RBCK1: variants seen among roughly 807,000 people sequenced by gnomAD.
The protein encoded by RBCK1 is RANBP2-type and C3HC4-type zinc finger containing 1, also known as ranBP-type and C3HC4-type zinc finger-containing protein 1.
Under a neutral mutation model 71.1 loss-of-function variants are expected in RBCK1, and 44 were observed. That is an observed-to-expected ratio of 0.62 (90% CI 0.49 to 0.80). The LOEUF (loss-of-function observed/expected upper bound fraction) is 0.80, where lower values mean the gene tolerates loss of function less well. Among genes scored for constraint, RBCK1 ranks in the 30% least tolerant of loss-of-function variants. RBCK1 has a pLI of 0.00. For synonymous variants in RBCK1, 306 were observed against 279.7 expected, an observed-to-expected ratio of 1.09 and a Z score of -0.94; for missense variants, 569 against 685.0, an observed-to-expected ratio of 0.83 and a Z score of 1.89.
chr20:424,055 G>A (rs2016576930), intron 8 of RBCK1, among the ~76,000 whole-genome samples: 3 of 152,348 alleles, frequency 2.0e-5, no homozygotes, highest in Admixed American at 2.0e-4. Context: ...CCATGCTCAA[G>A]CACAGAGTCC....
rs1036504696 is a variant in RBCK1, at chr20:424,090, G to A, written c.1029+1852G>A. ...CATTGGGAAGGGACCACCCAAAAGT[G>A]TGGAATCGGGGAGACAGAAACAAAT... On this transcript the variant is annotated intron_variant, in intron 8 of 11. Coordinates refer to ENST00000356286, the MANE Select transcript of RBCK1 (RefSeq NM_031229.4). Among the ~76,000 whole-genome samples, 82 of 152,260 alleles carry A rather than the reference G, an allele frequency of 5.4e-4. 1 individual carries two copies. The highest frequency in any genetic ancestry group is 5.8e-4 in the East Asian group (3 of 5,202).
At chr20:421,061 G>A in intron 7 of RBCK1, 30 bp downstream of exon 7, 2 of 1,512,448 alleles carry the variant, frequency 1.3e-6, no homozygotes, top group East Asian at 2.5e-5. Flanking sequence ...CCCCGGCAAT[G>A]CAGCTTAATC....
At chr20:421,904 G>A (rs1717887524) in intron 7 of RBCK1, 1 of 531,288 alleles carries the variant, frequency 1.9e-6, no homozygotes, top group Non-Finnish European at 3.4e-6. Flanking sequence ...CCAGGTGGGG[G>A]ATGTGGGGCC....
chr20:430,459 C>G lies in RBCK1; in HGVS notation c.*29C>G, dbSNP rs751743040. ...AAAGATGGTGGGGCCACATGCTGAC[C>G]CAGCCCCACATCCACATTCTGTTAG... On this transcript the variant is annotated 3_prime_UTR_variant, in exon 12 of 12. Transcript: ENST00000356286. The surrounding 1 kb of genome is among the most constrained non-coding windows in gnomAD (Gnocchi z 5.6). 6 of 1,564,458 alleles carry G rather than the reference C, an allele frequency of 3.8e-6. No homozygotes were observed. The highest frequency in any genetic ancestry group is 5.3e-6 in the Non-Finnish European group (6 of 1,135,048).
chr20:429,825 C>T (rs2016927438), intron 11 of RBCK1, among the ~76,000 whole-genome samples: 1 of 152,200 alleles, frequency 6.6e-6, no homozygotes, highest in African/African-American at 2.4e-5. Context: ...GGCTCTGGCA[C>T]ATACTGACTG....
At chr20:409,039 C>T (rs1429120161) in intron 1 of RBCK1, among the ~76,000 whole-genome samples, 5 of 152,230 alleles carry the variant, frequency 3.3e-5, no homozygotes, top group African/African-American at 1.2e-4. Context: ...ACTTGGAGAC[C>T]TCCTGGGCTG....
At position 419,690 on chromosome 20, in the gene RBCK1, C is replaced by T. The variant is rs1246259455; in HGVS notation, c.715C>T (p.Arg239Cys). Residue 239 changes from arginine to cysteine, a missense_variant, in exon 6 of 12, where the codon CGC becomes TGC. Arg to Cys is a radical substitution (Grantham distance 180). Around this residue, in one of 2 missense-constraint regions of RBCK1, gnomAD observed 358 missense variants for 375.6 expected, o/e 0.95. Transcript: ENST00000356286. Reference protein sequence around the residue: ...SYQPDEEERARLAGEEEALRQ... With the variant: ...SYQPDEEERACLAGEEEALRQ... ...CCAGCCCGACGAGGAGGAGCGAGCGCGCCTGGCGGGCGAGGAGGAGGCGCT... is the reference window on the plus strand; with the variant it reads ...CCAGCCCGACGAGGAGGAGCGAGCGTGCCTGGCGGGCGAGGAGGAGGCGCT... The T allele has an allele frequency of 1.3e-6, 2 of 1,575,580 alleles. No homozygotes were observed. The highest frequency in any genetic ancestry group is 1.7e-6 in the Non-Finnish European group (2 of 1,163,902).
chr20:419,722 G>GT lies in RBCK1; in HGVS notation c.748dup (p.Tyr250LeufsTer50), dbSNP rs1017569758. 6.4e-7 allele frequency: 1 copy of GT among 1,557,648 alleles called. No homozygotes were observed. The highest frequency in any genetic ancestry group is 1.4e-5 in the African/African-American group (1 of 73,750). ...CGGGCGAGGAGGAGGCGCTGCGTCA[G>GT]TACCAGCAGGTGGGCGGGAAAGTCC... On this transcript the variant is annotated frameshift_variant, in exon 6 of 12. Coordinates refer to ENST00000356286, the MANE Select transcript of RBCK1 (RefSeq NM_031229.4). LOFTEE classifies it high-confidence loss of function.
In RBCK1 at chr20:420,861, G is replaced by C; in HGVS notation, c.757-10G>C. The C allele has an allele frequency of 1.4e-6, 2 of 1,467,072 alleles. No individual in the cohort carries two copies. The highest frequency in any genetic ancestry group is 1.5e-5 in the African/African-American group (1 of 64,662). 90.9% of individuals were successfully genotyped at this position (1,467,072 alleles called of 1,614,324 possible). On this transcript the variant is annotated splice_polypyrimidine_tract_variant and intron_variant, in intron 6 of 11. Transcript: ENST00000356286. ...CTGACCCGCCCCGTGGCCCCGCCCC[G>C]TGTGCCCAGCGGAAGCAGCAGCAGC...
chr20:426,902 T>C (rs1290109827), intron 8 of RBCK1, among the ~76,000 whole-genome samples: 1 of 143,082 alleles, frequency 7.0e-6, no homozygotes, highest in Non-Finnish European at 1.5e-5. Flanking sequence ...CATGGCTCAC[T>C]GCATCCTTGA....
chr20:417,792 G>A lies in RBCK1; in HGVS notation c.322G>A (p.Ala108Thr). ...LQQWVIGQRL[A>T]RDQETLHSHG... Reference sequence around the variant, plus strand: ...GCAGTGGGTGATTGGGCAGCGGCTGGCACGAGACCAGGAGACCCTGCACTC... The same window carrying A: ...GCAGTGGGTGATTGGGCAGCGGCTGACACGAGACCAGGAGACCCTGCACTC... The change falls in exon 4 of 12, where the codon GCA becomes ACA. Residue 108 changes from alanine to threonine, a missense_variant. Physicochemically the swap from Ala to Thr is moderately conservative, Grantham distance 58 (BLOSUM62 0). Transcript: ENST00000356286. The surrounding 1 kb of genome is among the most constrained non-coding windows in gnomAD (Gnocchi z 4.7). 1 of 1,614,060 alleles carries A rather than the reference G, an allele frequency of 6.2e-7. No individual in the cohort carries two copies. Among genetic ancestry groups the A allele is most frequent in the Non-Finnish European group, 8.5e-7 (1 of 1,179,974 alleles).
chr20:419,155 A>G (rs2016206037), intron 4 of RBCK1, among the ~76,000 whole-genome samples, 192 bp from the exon 5 acceptor site: 1 of 152,208 alleles, frequency 6.6e-6, no homozygotes, highest in Non-Finnish European at 1.5e-5. Context: ...AGAAGCATTT[A>G]TCGGTGGAAT....
Position 419,438 on chromosome 20 carries a change from G to C in RBCK1, c.552G>C (p.Gly184=). ...GGGTCCCCCAGGAACCCGGACGGGGGCAGCCAGATGCAGTGCCTGAGCCCC... is the reference window on the plus strand; with the variant it reads ...GGGTCCCCCAGGAACCCGGACGGGGCCAGCCAGATGCAGTGCCTGAGCCCC... ...KPGVPQEPGR[G]QPDAVPEPPP... The change falls in exon 5 of 12, where the codon GGG becomes GGC. Residue 184 remains glycine (G), a synonymous_variant. Coordinates refer to ENST00000356286, the MANE Select transcript of RBCK1 (RefSeq NM_031229.4). The C allele has an allele frequency of 1.2e-6, 2 of 1,608,320 alleles. No individual in the cohort carries two copies. Among genetic ancestry groups the C allele is most frequent in the East Asian group, 2.2e-5 (1 of 44,878 alleles).
chr20:427,105 C>G (rs2016766919), intron 8 of RBCK1, among the ~76,000 whole-genome samples: 1 of 152,098 alleles, frequency 6.6e-6, no homozygotes, highest in African/African-American at 2.4e-5. Context: ...TCCCAAAGTG[C>G]TGGGATTACA....
intron 8 of RBCK1, among the ~76,000 whole-genome samples, chr20:425,749 C>T (rs1346072743): frequency 1.3e-5 from 2 of 151,906 alleles, no homozygotes; most frequent in Non-Finnish European, 2.9e-5. Flanking sequence ...GCCTCAGCCT[C>T]CCGAGTAGCT....
Position 427,506 on chromosome 20 carries a change from G to A in RBCK1, c.1209+14G>A. 6.2e-7 allele frequency: 1 copy of A among 1,611,668 alleles called. No individual in the cohort carries two copies. Among genetic ancestry groups the A allele is most frequent in the African/African-American group, 1.3e-5 (1 of 74,990 alleles). ...CTGCTCTGCAAGGTGGGGCCTGCAG[G>A]GACTCCCCCCACCTAGTCACTGTCA... On this transcript the variant is annotated intron_variant, in intron 9 of 11. Coordinates refer to ENST00000356286, the MANE Select transcript of RBCK1 (RefSeq NM_031229.4).
rs891524529 is a variant in RBCK1 at position 430,529 on chromosome 20, G to A, written c.*99G>A. On this transcript the variant is annotated 3_prime_UTR_variant, in exon 12 of 12. Coordinates refer to ENST00000356286, the MANE Select transcript of RBCK1 (RefSeq NM_031229.4). The surrounding 1 kb of genome is among the most constrained non-coding windows in gnomAD (Gnocchi z 5.6). Reference sequence around the variant, plus strand: ...CGTGGACGGCCTTGCTTGCTGTAGCGTTGTAGGGGCCCTGCCTGCACTGCG... The same window carrying A: ...CGTGGACGGCCTTGCTTGCTGTAGCATTGTAGGGGCCCTGCCTGCACTGCG... 2.4e-5 allele frequency: 29 copies of A among 1,224,964 alleles called. No homozygotes were observed. The highest frequency in any genetic ancestry group is 4.8e-5 in the East Asian group (2 of 41,712). The allele number at this position is 1,224,964 out of a possible 1,614,324, so 75.9% of individuals were successfully genotyped here.
rs6037593 is a variant in RBCK1, at chr20:413,004, G to A, written c.167+2979G>A. ...AGGGTCCAGCTTCATTCTTTTGCACGTGGATATTGAGTTGTGCCGGCACTA... is the reference window on the plus strand; with the variant it reads ...AGGGTCCAGCTTCATTCTTTTGCACATGGATATTGAGTTGTGCCGGCACTA... On this transcript the variant is annotated intron_variant, in intron 2 of 11. Transcript: ENST00000356286. 7.9e-3 allele frequency among the ~76,000 whole-genome samples: 1,200 copies of A among 152,200 alleles called. 24 individuals are homozygous for A. Among genetic ancestry groups the A allele is most frequent in the African/African-American group, 0.027 (1,126 of 41,500 alleles).
In RBCK1 at chr20:430,243, T is replaced by C; in HGVS notation, c.1453-107T>C. ...GTAGCTGAGGCTGACCAGGCCATTC[T>C]TGCAGGAGGACCTGCAGAGGCAAAG... On this transcript the variant is annotated intron_variant, in intron 11 of 11. Coordinates refer to ENST00000356286, the MANE Select transcript of RBCK1 (RefSeq NM_031229.4). The surrounding 1 kb of genome is among the most constrained non-coding windows in gnomAD (Gnocchi z 5.6). 7 of 974,564 alleles carry C rather than the reference T, an allele frequency of 7.2e-6. No homozygotes were observed. Among genetic ancestry groups the C allele is most frequent in the Non-Finnish European group, 1.1e-5 (7 of 633,100 alleles). 60.4% of individuals were successfully genotyped at this position (974,564 alleles called of 1,614,324 possible).
Sources: gnomAD v4.1 joint callset for allele counts (sites outside exome capture counted in the v4.1 genomes callset) on GRCh38, gnomAD v4.1.1 for gene constraint, gnomAD v4.1.1 regional missense constraint, Gnocchi (gnomAD v3.1) non-coding constraint, MANE v1.5 for transcripts, NCBI Gene and HGNC (gene_info 2026-07-23, HGNC 2026-07-21) for gene names.